The following DNM3 variants were observed in gnomAD, a reference collection of about 807,000 sequenced individuals.
DNM3 encodes dynamin-3.
Under a neutral mutation model 101.6 loss-of-function variants are expected in DNM3, and 47 were observed. The ratio of observed to expected loss-of-function variants is 0.46; its 90% confidence interval spans 0.37 to 0.59. The LOEUF (loss-of-function observed/expected upper bound fraction) is 0.59. DNM3 is among the 20% of genes least tolerant of loss of function. DNM3 has a pLI of 0.00. For missense variants in DNM3, 849 were observed against 1,085.7 expected, an observed-to-expected ratio of 0.78 and a Z score of 3.06; for synonymous variants, 385 against 387.9, an observed-to-expected ratio of 0.99 and a Z score of 0.09.
intron 1 of DNM3, among the ~76,000 whole-genome samples, chr1:171,871,379 C>T (rs373312699): frequency 3.9e-5 from 6 of 152,234 alleles, no homozygotes; most frequent in South Asian, 2.1e-4. Flanking sequence ...GTTGCATTTC[C>T]GGAAAATTCA....
At chr1:171,885,749 G>A (rs886215996) in intron 1 of DNM3, among the ~76,000 whole-genome samples, 1 of 152,138 alleles carries the variant, frequency 6.6e-6, no homozygotes, top group African/African-American at 2.4e-5. Flanking sequence ...GGCTCAAGCT[G>A]CTTTCAGGAC....
chr1:172,154,053 A>G (rs16843930), intron 14 of DNM3, among the ~76,000 whole-genome samples: 2,477 of 152,172 alleles, frequency 0.016, 78 homozygotes, highest in African/African-American at 0.055. Context: ...GATTCTTCTT[A>G]AACTGTCGTT....
chr1:172,290,158 G>T, intron 15 of DNM3: 1 of 303,488 alleles, frequency 3.3e-6, no homozygotes, highest in Non-Finnish European at 4.8e-6. Flanking sequence ...GAATATATTG[G>T]TGAACATTTA....
At chr1:172,167,553 C>G (rs975111821) in intron 14 of DNM3, among the ~76,000 whole-genome samples, 6 of 152,044 alleles carry the variant, frequency 3.9e-5, no homozygotes, top group African/African-American at 1.4e-4. Flanking sequence ...AAAAGTGTTC[C>G]TGTTTCTCCA....
intron 15 of DNM3, among the ~76,000 whole-genome samples, chr1:172,308,071 G>A (rs2064919769): frequency 6.6e-6 from 1 of 152,052 alleles, no homozygotes; most frequent in Non-Finnish European, 1.5e-5. Flanking sequence ...TCTCTAGGCT[G>A]TGGAAACTGG....
intron 13 of DNM3, among the ~76,000 whole-genome samples, chr1:172,116,222 C>T (rs2055879508): frequency 6.6e-6 from 1 of 152,128 alleles, no homozygotes; most frequent in African/African-American, 2.4e-5. Flanking sequence ...CAATTTGTGT[C>T]ATTATCTTGT....
chr1:172,159,210 A>T (rs1166151322), intron 14 of DNM3, among the ~76,000 whole-genome samples: 1 of 152,064 alleles, frequency 6.6e-6, no homozygotes, highest in Non-Finnish European at 1.5e-5. Context: ...TGGAGAAAAA[A>T]GCCGTCTATG....
At chr1:172,276,306 A>T (rs1458253880) in intron 15 of DNM3, among the ~76,000 whole-genome samples, 1 of 152,000 alleles carries the variant, frequency 6.6e-6, no homozygotes, top group Non-Finnish European at 1.5e-5. Context: ...GTCCTGCCTG[A>T]TGGGGGAATT....
chr1:171,966,069 G>A (rs899222659), intron 2 of DNM3, among the ~76,000 whole-genome samples: 3 of 152,168 alleles, frequency 2.0e-5, no homozygotes, highest in African/African-American at 7.2e-5. Context: ...TTCTTCTTAT[G>A]TTGCATTCAC....
chr1:172,038,298 G>A (rs753499710), intron 6 of DNM3, 21 bp from the exon 7 acceptor site: 2 of 1,612,806 alleles, frequency 1.2e-6, no homozygotes, highest in South Asian at 2.2e-5. Context: ...CAATCTGTGT[G>A]TATCATTTTG....
chr1:172,148,341 C>A (rs2057999773), intron 14 of DNM3, among the ~76,000 whole-genome samples: 1 of 146,744 alleles, frequency 6.8e-6, no homozygotes, highest in African/African-American at 2.5e-5. Flanking sequence ...ATTTAGTAAA[C>A]TGTTAAAAGA....
intron 14 of DNM3, among the ~76,000 whole-genome samples, chr1:172,211,384 T>C (rs1329817952): frequency 1.3e-5 from 2 of 152,122 alleles, no homozygotes. Context: ...CCTGTCATGC[T>C]AAAGTCTCTC....
At chr1:172,027,606 A>T (rs1440900827) in intron 4 of DNM3, among the ~76,000 whole-genome samples, 1 of 139,048 alleles carries the variant, frequency 7.2e-6, no homozygotes, top group Non-Finnish European at 1.5e-5. Flanking sequence ...ACACACACAC[A>T]CACACACACA....
In DNM3 at chr1:172,407,787, A is replaced by T; in HGVS notation, c.2538A>T (p.Pro846=). The T allele has an allele frequency of 6.2e-7, 1 of 1,613,186 alleles. No homozygotes were observed. The highest frequency in any genetic ancestry group is 8.5e-7 in the Non-Finnish European group (1 of 1,179,330). ...CTCTTTCTAGCCGGAGACCACCCCC[A>T]TCACCAACTCGTCCCACTATAATCC... The part of the protein sequence containing the change: ...PPSVPSRRPP[P]SPTRPTIIRP... Residue 846 remains proline (P), a synonymous_variant, in exon 21 of 21, where the codon CCA becomes CCT. Transcript: ENST00000627582.
intron 1 of DNM3, among the ~76,000 whole-genome samples, chr1:171,899,294 A>G (rs2125219534): frequency 6.6e-6 from 1 of 152,286 alleles, no homozygotes; most frequent in African/African-American, 2.4e-5. Context: ...GTTTCAGTGG[A>G]GGGGAGATTT....
intron 15 of DNM3, among the ~76,000 whole-genome samples, chr1:172,300,218 A>G (rs1488142319): frequency 1.3e-5 from 2 of 151,534 alleles, no homozygotes; most frequent in Non-Finnish European, 2.9e-5. Flanking sequence ...TCCTTTGCCT[A>G]CTTTTTAATG....
intron 14 of DNM3, among the ~76,000 whole-genome samples, chr1:172,248,212 A>G (rs1038665004): frequency 8.5e-5 from 13 of 152,182 alleles, no homozygotes; most frequent in South Asian, 2.1e-4. Context: ...GATGCTAAGC[A>G]AAATACTGTA....
chr1:172,283,213 T>A (rs2063555300), intron 15 of DNM3, among the ~76,000 whole-genome samples: 1 of 152,210 alleles, frequency 6.6e-6, no homozygotes, highest in Admixed American at 6.5e-5. Flanking sequence ...GCTGCTGTCA[T>A]CTTGCAGATA....
chr1:171,972,337 T>C (rs2044054355), intron 2 of DNM3, among the ~76,000 whole-genome samples: 1 of 152,214 alleles, frequency 6.6e-6, no homozygotes, highest in Non-Finnish European at 1.5e-5. Context: ...AGGCTGTTTC[T>C]ACATGCAAAA....
Sources: allele counts gnomAD v4.1 joint callset (sites outside exome capture counted in the v4.1 genomes callset), GRCh38; gene constraint gnomAD v4.1.1; transcripts MANE v1.5; gene names NCBI Gene and HGNC (gene_info 2026-07-23, HGNC 2026-07-21).